Variants in C10orf88 observed in about 807,000 individuals in gnomAD.
The protein encoded by C10orf88 is chromosome 10 open reading frame 88.
In C10orf88, 29 loss-of-function variants were observed where a neutral mutation model predicts 34.2. The observed-to-expected ratio is 0.85, with a 90% CI of 0.63 to 1.16. C10orf88 has a LOEUF of 1.16. Among genes scored for constraint, C10orf88 ranks in the 50% most tolerant of loss-of-function variants. C10orf88 has a pLI of 0.00. For synonymous variants in C10orf88, 194 were observed against 197.4 expected, an observed-to-expected ratio of 0.98 and a Z score of 0.15; for missense variants, 507 against 533.2, an observed-to-expected ratio of 0.95 and a Z score of 0.48.
In C10orf88 at chr10:122,954,164, G is replaced by A. The variant is rs776852807; in HGVS notation, c.15C>T (p.Thr5=). The A allele has an allele frequency of 5.1e-6, 8 of 1,572,636 alleles. No individual in the cohort carries two copies. Among genetic ancestry groups the A allele is most frequent in the Non-Finnish European group, 3.4e-6 (4 of 1,165,262 alleles). METR[T]EDGGLTRRPT... The stretch of plus-strand genomic sequence containing the variant: ...GGCGGCGGGTGAGGCCCCCGTCCTC[G>A]GTCCGCGTCTCCATTCCGCCGCCTT... Residue 5 remains threonine (T), a synonymous_variant, in exon 1 of 6, where the codon ACC becomes ACT. Coordinates refer to ENST00000481909, the MANE Select transcript of C10orf88 (RefSeq NM_024942.4).
intron 3 of C10orf88, among the ~76,000 whole-genome samples, chr10:122,950,369 G>A (rs1043091936): frequency 1.3e-5 from 2 of 152,116 alleles, no homozygotes; most frequent in African/African-American, 4.8e-5. Context: ...CAATCCTAGA[G>A]CTTCCCTGAA....
chr10:122,940,402 TG>T (rs922889522), intron 4 of C10orf88, among the ~76,000 whole-genome samples: 1 of 151,740 alleles, frequency 6.6e-6, no homozygotes, highest in Non-Finnish European at 1.5e-5. Context: ...TGCTAGGAGA[TG>T]GGGGGAAGGA....
chr10:122,931,743 G>A lies in C10orf88; in HGVS notation c.*684C>T, dbSNP rs1437060847. On this transcript the variant is annotated 3_prime_UTR_variant, in exon 6 of 6. Transcript: ENST00000481909. ...GGAGAGGTTTTCTTAAACTGTCTGG[G>A]GTTACTGAGGTCAAACAAGATGACT... 1 of 152,096 alleles carries A rather than the reference G, an allele frequency of 6.6e-6. No homozygotes were observed. Among genetic ancestry groups the A allele is most frequent in the Non-Finnish European group, 1.5e-5 (1 of 68,024 alleles). 9.4% of individuals were successfully genotyped at this position (152,096 alleles called of 1,614,324 possible). A position where few individuals can be genotyped will look rare whatever the true frequency, so the allele number is the denominator to read the frequency against.
chr10:122,949,311 T>C (rs1488925978), intron 3 of C10orf88, among the ~76,000 whole-genome samples: 2 of 152,156 alleles, frequency 1.3e-5, no homozygotes, highest in Non-Finnish European at 2.9e-5. Context: ...TAGAGTAATT[T>C]TGACAACATA....
Position 122,931,126 on chromosome 10 carries a change from A to C in C10orf88, c.*1301T>G, listed in dbSNP as rs1308199550. On this transcript the variant is annotated 3_prime_UTR_variant, in exon 6 of 6. Coordinates refer to ENST00000481909, the MANE Select transcript of C10orf88 (RefSeq NM_024942.4). ...GTGCTGCCTTCCTTTTTGTCCTTTCATGGCTTCTTCTGGTCACTGTCATGG... is the reference window on the plus strand; with the variant it reads ...GTGCTGCCTTCCTTTTTGTCCTTTCCTGGCTTCTTCTGGTCACTGTCATGG... 1 of 152,162 alleles carries C rather than the reference A, an allele frequency of 6.6e-6. No individual in the cohort carries two copies. The highest frequency in any genetic ancestry group is 2.4e-5 in the African/African-American group (1 of 41,434). The allele number at this position is 152,162 out of a possible 1,614,324, so 9.4% of individuals were successfully genotyped here.
rs1848495345 is a variant in C10orf88 at position 122,932,644 on chromosome 10, A to G, written c.1121T>C (p.Ile374Thr). Reference sequence around the variant, plus strand: ...AAGAATCTTTTCCAAGTAGGAGCAAATAGATTGCTCTTCCATTCTAAAAAT... The same window carrying G: ...AAGAATCTTTTCCAAGTAGGAGCAAGTAGATTGCTCTTCCATTCTAAAAAT... ...ILGVGMEEQS[I>T]CSYLEKILSK... is the part of the protein sequence containing the mutation. Residue 374 changes from isoleucine (I) to threonine (T), a missense_variant, in exon 6 of 6, where the codon ATT becomes ACT. By Grantham distance (89) the Ile-to-Thr change is moderately conservative. Transcript: ENST00000481909. 4 of 1,605,664 alleles carry G rather than the reference A, an allele frequency of 2.5e-6. No individual in the cohort carries two copies. Among genetic ancestry groups the G allele is most frequent in the Non-Finnish European group, 3.4e-6 (4 of 1,174,320 alleles).
intron 5 of C10orf88, among the ~76,000 whole-genome samples, chr10:122,934,587 G>A (rs907000385): frequency 2.6e-5 from 4 of 152,118 alleles, no homozygotes; most frequent in African/African-American, 9.7e-5. Flanking sequence ...TTTTAGTTGG[G>A]ACTTCTGGGA....
At chr10:122,949,839 T>C (rs1449487638) in intron 3 of C10orf88, among the ~76,000 whole-genome samples, 1 of 152,154 alleles carries the variant, frequency 6.6e-6, no homozygotes, top group Admixed American at 6.5e-5. Flanking sequence ...ATAAGTAAAA[T>C]GCAATCCTTT....
Position 122,951,927 on chromosome 10 carries a change from C to A in C10orf88, c.441+27G>T. 2.1e-6 allele frequency: 3 copies of A among 1,417,120 alleles called. No individual in the cohort carries two copies. The South Asian group carries it at 3.7e-5, about 17-fold the overall frequency. The allele number at this position is 1,417,120 out of a possible 1,614,324, so 87.8% of individuals were successfully genotyped here. On this transcript the variant is annotated intron_variant, in intron 3 of 5. Coordinates refer to ENST00000481909, the MANE Select transcript of C10orf88 (RefSeq NM_024942.4). ...CAGAGTACAAAAACAACTTAGTTGT[C>A]AAATTAGTTTACAACTGACAACTTA...
At chr10:122,940,966 TAG>T (rs1848575712) in intron 4 of C10orf88, among the ~76,000 whole-genome samples, 1 of 152,052 alleles carries the variant, frequency 6.6e-6, no homozygotes, top group Admixed American at 6.6e-5. Context: ...ATACACACAA[TAG>T]AGATTTCTGA....
chr10:122,953,999 C>T lies in C10orf88; in HGVS notation c.164+16G>A, dbSNP rs1016456481. 2.0e-6 allele frequency: 3 copies of T among 1,509,112 alleles called. No homozygotes were observed. Among genetic ancestry groups the T allele is most frequent in the Admixed American group, 2.1e-5 (1 of 46,556 alleles). 93.5% of individuals were successfully genotyped at this position (1,509,112 alleles called of 1,614,324 possible). On this transcript the variant is annotated intron_variant, in intron 1 of 5. Coordinates refer to ENST00000481909, the MANE Select transcript of C10orf88 (RefSeq NM_024942.4). ...TTGCCGAGCATAGCGACCCCGTCCC[C>T]GTCGGCCCGGCGCACCCTGGAGCAG...
chr10:122,934,123 C>T lies in C10orf88; in HGVS notation c.1104-1462G>A, dbSNP rs146183435. Among the ~76,000 whole-genome samples, 209 of 152,238 alleles carry T rather than the reference C, an allele frequency of 1.4e-3. 1 individual carries two copies. The highest frequency in any genetic ancestry group is 4.5e-3 in the African/African-American group (187 of 41,554). The stretch of plus-strand genomic sequence containing the variant: ...GGAAGTTGCAAAGATATTAGTTTCT[C>T]AGTGCCCTTTATCCAATCCTCCCAA... On this transcript the variant is annotated intron_variant, in intron 5 of 5. Coordinates refer to ENST00000481909, the MANE Select transcript of C10orf88 (RefSeq NM_024942.4).
rs564558493 is a variant in C10orf88 at position 122,935,877 on chromosome 10, T to C, written c.1103+1828A>G. On this transcript the variant is annotated intron_variant, in intron 5 of 5. Coordinates refer to ENST00000481909, the MANE Select transcript of C10orf88 (RefSeq NM_024942.4). ...TAAATTTTTTCATATATTTTATAAG[T>C]ATTTTTTATAGATTTACATATTTTA... Among the ~76,000 whole-genome samples the C allele has an allele frequency of 7.2e-5, 11 of 151,962 alleles. No individual in the cohort carries two copies. In the East Asian group the frequency reaches 2.1e-3, roughly 29 times the overall value.
intron 4 of C10orf88, among the ~76,000 whole-genome samples, chr10:122,946,334 A>G (rs780728625): frequency 1.3e-5 from 2 of 152,088 alleles, no homozygotes; most frequent in African/African-American, 4.8e-5. Flanking sequence ...CATCTTGTAT[A>G]CTATATTTTT....
chr10:122,953,161 T>TCCGCCTTCCGGGTTCACGCC, intron 1 of C10orf88, 129 bp from the exon 2 acceptor site: 1 of 720,620 alleles, frequency 1.4e-6, no homozygotes, highest in Non-Finnish European at 2.3e-6. Flanking sequence ...CACTGCACGC[T>TCCGCCTTCCGGGTTCACGCC]CCGCCTTCCG....
At chr10:122,948,596 C>A (rs1051590047) in intron 4 of C10orf88, 53 bp downstream of exon 4, 2 of 1,515,324 alleles carry the variant, frequency 1.3e-6, no homozygotes, top group Middle Eastern at 1.7e-4. Flanking sequence ...TTACTAAAAG[C>A]AATGGTTTTG....
chr10:122,939,316 T>A, intron 4 of C10orf88, among the ~76,000 whole-genome samples: 2 of 141,844 alleles, frequency 1.4e-5, no homozygotes, highest in African/African-American at 2.6e-5. Context: ...AAAGAGAAAG[T>A]AAGGGAAAGA....
intron 5 of C10orf88, among the ~76,000 whole-genome samples, chr10:122,936,302 T>C (rs922515036): frequency 2.0e-5 from 3 of 151,932 alleles, no homozygotes; most frequent in Admixed American, 6.6e-5. Context: ...GGATCAGTAG[T>C]GACATCTCAT....
At chr10:122,952,089 T>A in intron 2 of C10orf88, 63 bp from the exon 3 acceptor site, 1 of 821,034 alleles carries the variant, frequency 1.2e-6, no homozygotes, top group Non-Finnish European at 1.9e-6. Context: ...ATAGTTACAC[T>A]TAAAAATAAA....
Sources: allele counts gnomAD v4.1 joint callset (sites outside exome capture counted in the v4.1 genomes callset), GRCh38; gene constraint gnomAD v4.1.1; transcripts MANE v1.5; gene names NCBI Gene and HGNC (gene_info 2026-07-23, HGNC 2026-07-21).